The following STXBP2 variants were observed in gnomAD, a reference collection of about 807,000 sequenced individuals.
STXBP2 encodes the protein syntaxin-binding protein 2.
Under a neutral mutation model 72.2 loss-of-function variants are expected in STXBP2, and 47 were observed. That is an observed-to-expected ratio of 0.65 (90% confidence interval 0.51 to 0.83). The LOEUF (loss-of-function observed/expected upper bound fraction) is 0.83. Ranked by LOEUF, STXBP2 falls within the 40% of genes least tolerant of loss-of-function variation. The pLI is 0.00. For synonymous variants in STXBP2, 367 were observed against 338.7 expected, an observed-to-expected ratio of 1.08 and a Z score of -0.92; for missense variants, 702 against 807.6, an observed-to-expected ratio of 0.87 and a Z score of 1.58.
chr19:7,631,785 C>G, the STXBP2 span: 18 of 1,416,800 alleles, frequency 1.3e-5, no homozygotes, highest in Non-Finnish European at 1.7e-5. Context: ...GACTGAGGGT[C>G]CCAGCTCGTT....
At chr19:7,640,423 C>A in intron 4 of STXBP2, 3 of 577,798 alleles carry the variant, frequency 5.2e-6, no homozygotes, top group Non-Finnish European at 9.4e-6. Context: ...TATGTGTGCG[C>A]GCGCATCTGT....
At chr19:7,632,372 C>T, upstream of STXBP2, 3 of 1,613,278 alleles carry the variant, frequency 1.9e-6, no homozygotes, top group Non-Finnish European at 2.5e-6. This position sits in a 1 kb window ranked among gnomAD's most constrained non-coding sequence, Gnocchi z 5.2. Flanking sequence ...TTCTCCTCGA[C>T]ATCGCCAGAA....
intron 14 of STXBP2, 155 bp from the exon 15 acceptor site, chr19:7,645,042 C>T (rs2146227769): frequency 6.9e-7 from 1 of 1,455,506 alleles, no homozygotes; most frequent in African/African-American, 1.4e-5. Context: ...TCCAGGTTTC[C>T]CACTCTTGCT....
At chr19:7,631,366 C>A in the STXBP2 span, 1 of 987,948 alleles carries the variant, frequency 1.0e-6, no homozygotes, top group Non-Finnish European at 1.3e-6. Context: ...ACCCTGAAGC[C>A]GTGGTCTGGG....
chr19:7,640,209 T>G lies in STXBP2; in HGVS notation c.246+402T>G, dbSNP rs1242344484. The G allele has an allele frequency of 9.2e-6, 5 of 546,418 alleles. 1 individual carries two copies. Among genetic ancestry groups the G allele is most frequent in the South Asian group, 7.7e-5 (5 of 64,980 alleles). The allele number at this position is 546,418 out of a possible 1,614,324, so 33.8% of individuals were successfully genotyped here. A position where few individuals can be genotyped will look rare whatever the true frequency, so the allele number is the denominator to read the frequency against. On this transcript the variant is annotated intron_variant, in intron 4 of 18. Transcript: ENST00000221283. ...GTGCATGTGTGTATGCGTGTGTATG[T>G]ATGTGTCTGCGTCTGTGTGTGCGTC...
rs776201281 is a variant in STXBP2 at position 7,640,687 on chromosome 19, T to C, written c.247-44T>C. ...GGGAGGCCTAGGCAGCCAATGAGCC[T>C]AGGTGTGCAGGCTCAGGCCCAGAGA... is the stretch of plus-strand genomic sequence containing the variant. On this transcript the variant is annotated intron_variant, in intron 4 of 18. Transcript: ENST00000221283. 5.6e-6 allele frequency: 9 copies of C among 1,613,920 alleles called. No homozygotes were observed. The South Asian group carries it at 8.8e-5, about 16-fold the overall frequency.
intron 14 of STXBP2, 105 bp from the exon 15 acceptor site, chr19:7,645,092 G>A (rs964045840): frequency 1.0e-5 from 15 of 1,474,194 alleles, no homozygotes; most frequent in South Asian, 1.2e-5. Context: ...CCACTGCAAG[G>A]TTCTCTCATC....
At chr19:7,646,145 T>C in intron 15 of STXBP2, 104 bp from the exon 16 acceptor site, 2 of 882,908 alleles carry the variant, frequency 2.3e-6, no homozygotes, top group South Asian at 1.5e-5. Flanking sequence ...CTTCCCCATC[T>C]TTGCCTGCCA....
chr19:7,645,523 G>C (rs1259438694), intron 15 of STXBP2: 1 of 565,286 alleles, frequency 1.8e-6, no homozygotes, highest in African/African-American at 1.9e-5. Context: ...GGGGAAGTGA[G>C]ACATGGTCGC....
intron 4 of STXBP2, chr19:7,640,110 ATGTG>A (rs2031755015): frequency 1.8e-6 from 1 of 553,798 alleles, no homozygotes; most frequent in Middle Eastern, 5.0e-4. Flanking sequence ...GTGTCTGTGC[ATGTG>A]TGTATGCGTG....
chr19:7,642,456 G>A lies in STXBP2; in HGVS notation c.822G>A (p.Ala274=), dbSNP rs138099253. The A allele has an allele frequency of 1.8e-4, 288 of 1,614,028 alleles. No individual in the cohort carries two copies. In the African/African-American group the frequency reaches 3.2e-3, roughly 18 times the overall value. Residue 274 remains alanine (A), a synonymous_variant, in exon 10 of 19, where the codon GCG becomes GCA. Coordinates refer to ENST00000221283, the MANE Select transcript of STXBP2 (RefSeq NM_006949.4). The surrounding 1 kb of genome is among the most constrained non-coding windows in gnomAD (Gnocchi z 6.0). ...YRYETTGLSE[A]REKAVLLDED... ...ATGAGACCACCGGGCTGAGCGAGGC[G>A]CGGGAGAAGGCCGTCTTGCTGGACG...
At position 7,647,822 on chromosome 19, in the gene STXBP2, G is replaced by GC; in HGVS notation, c.*17dup. ...TTGCCCTGCCCTGACCCCTGGCCCC[G>GC]CCCCCTACCCCTCCCTTTCCAGAGA... On this transcript the variant is annotated 3_prime_UTR_variant, in exon 19 of 19. Transcript: ENST00000221283. 1 of 1,343,424 alleles carries GC rather than the reference G, an allele frequency of 7.4e-7. No individual in the cohort carries two copies. The highest frequency in any genetic ancestry group is 1.0e-6 in the Non-Finnish European group (1 of 986,060). The allele number at this position is 1,343,424 out of a possible 1,614,324, so 83.2% of individuals were successfully genotyped here.
At chr19:7,631,923 C>T (rs535740740), upstream of STXBP2, 2 of 1,088,736 alleles carry the variant, frequency 1.8e-6, no homozygotes, top group East Asian at 5.8e-5. Context: ...ATTGTGAGCA[C>T]TGGTCTATGT....
intron 15 of STXBP2, 107 bp downstream of exon 15, chr19:7,645,413 C>A: frequency 2.6e-6 from 3 of 1,152,360 alleles, no homozygotes; most frequent in South Asian, 2.9e-5. Context: ...TGGTTCCTGG[C>A]GTGGTGTGGT....
intron 4 of STXBP2, chr19:7,640,495 TGC>T (rs761592951): frequency 1.3e-5 from 9 of 688,124 alleles, no homozygotes; most frequent in South Asian, 1.2e-4. Flanking sequence ...TATGTGTGTG[TGC>T]ATCTGTGTGT....
Position 7,647,273 on chromosome 19 carries a change from C to T in STXBP2, c.1538+26C>T, listed in dbSNP as rs759971059. 9.3e-6 allele frequency: 15 copies of T among 1,610,706 alleles called. No homozygotes were observed. In the Admixed American group the frequency reaches 1.0e-4, roughly 11 times the overall value. ...GTGAGGCCCCGGGGCCGCCCCCGCC[C>T]ACGCCTGGGTCTGTGTTAGGTGGGC... On this transcript the variant is annotated intron_variant, in intron 17 of 18. Transcript: ENST00000221283.
chr19:7,639,754 C>T lies in STXBP2; in HGVS notation c.193C>T (p.Arg65Trp), dbSNP rs758188545. Reference protein sequence around the residue: ...ITIVEDINKRREPIPSLEAIY... With the variant: ...ITIVEDINKRWEPIPSLEAIY... The stretch of plus-strand genomic sequence containing the variant: ...AGTTGTTGAAGACATCAACAAACGG[C>T]GGGAACCCATTCCCAGTCTGGAGGC... Residue 65 changes from arginine to tryptophan, a missense_variant, in exon 4 of 19, where the codon CGG becomes TGG. Arg to Trp is a moderately radical substitution (Grantham distance 101). Coordinates refer to ENST00000221283, the MANE Select transcript of STXBP2 (RefSeq NM_006949.4). 1.9e-6 allele frequency: 3 copies of T among 1,613,424 alleles called. No individual in the cohort carries two copies. The highest frequency in any genetic ancestry group is 2.5e-6 in the Non-Finnish European group (3 of 1,179,952).
At chr19:7,630,030 T>A in the STXBP2 span, 3 of 573,784 alleles carry the variant, frequency 5.2e-6, no homozygotes, top group Admixed American at 1.6e-4. Context: ...GACGCTGGGC[T>A]GGGGGGGTTC....
At chr19:7,646,914 G>C (rs2032158546) in intron 16 of STXBP2, 5 of 585,978 alleles carry the variant, frequency 8.5e-6, no homozygotes. Flanking sequence ...GAGGAACTGT[G>C]GGTTTAGACT....
Sources: allele counts gnomAD v4.1 joint callset, GRCh38; gene constraint gnomAD v4.1.1; non-coding constraint Gnocchi (gnomAD v3.1); transcripts MANE v1.5; gene names NCBI Gene and HGNC (gene_info 2026-07-23, HGNC 2026-07-21).